Variants in SLC14A2 observed in about 807,000 individuals in gnomAD.
The protein encoded by SLC14A2 is solute carrier family 14 member 2, also known as urea transporter 2.
A neutral mutation model predicts 104.6 loss-of-function variants in SLC14A2; 91 were observed. The ratio of observed to expected loss-of-function variants is 0.87; its 90% CI spans 0.73 to 1.04. The LOEUF is 1.04. Among genes scored for constraint, SLC14A2 ranks in the 50% least tolerant of loss-of-function variants. The probability of loss-of-function intolerance (pLI) is 0.00; values close to 1 mark genes in which losing one functional copy is unlikely to be tolerated. For missense variants in SLC14A2, 1,189 were observed against 1,156.0 expected (o/e 1.03, Z -0.41); for synonymous variants, 476 against 466.4 (o/e 1.02, Z -0.27).
chr18:45,662,460 A>C (rs2045950987), intron 10 of SLC14A2, among the ~76,000 whole-genome samples: 1 of 152,200 alleles, frequency 6.6e-6, no homozygotes, highest in Non-Finnish European at 1.5e-5. Context: ...TATGCACACG[A>C]ATCAGCTGGA....
chr18:45,533,421 T>C (rs1326388049), intron 2 of SLC14A2, among the ~76,000 whole-genome samples: 1 of 152,212 alleles, frequency 6.6e-6, no homozygotes, highest in African/African-American at 2.4e-5. Flanking sequence ...CCTGGTTTAG[T>C]CTTGGGAGAG....
At chr18:45,352,252 A>G (rs1344396825) in intron 1 of SLC14A2, among the ~76,000 whole-genome samples, 1 of 152,078 alleles carries the variant, frequency 6.6e-6, no homozygotes, top group Non-Finnish European at 1.5e-5. Context: ...GACCATGGAG[A>G]AGGGGCTTCT....
At chr18:45,308,216 A>G (rs2085043469) in intron 1 of SLC14A2, among the ~76,000 whole-genome samples, 1 of 152,148 alleles carries the variant, frequency 6.6e-6, no homozygotes, top group African/African-American at 2.4e-5. Context: ...CACCCAAACC[A>G]TGTAAGTTGC....
chr18:45,555,412 A>G (rs2044118563), intron 2 of SLC14A2, among the ~76,000 whole-genome samples: 1 of 152,248 alleles, frequency 6.6e-6, no homozygotes, highest in South Asian at 2.1e-4. Flanking sequence ...GGATACATCT[A>G]GATAAACCCA....
chr18:45,334,944 CTTGGT>C (rs2085324739), intron 1 of SLC14A2, among the ~76,000 whole-genome samples: 1 of 152,218 alleles, frequency 6.6e-6, no homozygotes, highest in African/African-American at 2.4e-5. Flanking sequence ...CACCTCCTGA[CTTGGT>C]ACTGAAGTGC....
intron 1 of SLC14A2, among the ~76,000 whole-genome samples, chr18:45,478,443 C>T (rs905871965): frequency 4.6e-5 from 7 of 152,204 alleles, no homozygotes; most frequent in African/African-American, 1.7e-4. Context: ...ATCTTGCCAG[C>T]CACTGTCTAT....
At chr18:45,341,498 T>C (rs2085393421) in intron 1 of SLC14A2, among the ~76,000 whole-genome samples, 1 of 152,196 alleles carries the variant, frequency 6.6e-6, no homozygotes, top group Non-Finnish European at 1.5e-5. Flanking sequence ...CACATTCTAT[T>C]TGGTGCCACA....
At chr18:45,528,734 A>G (rs2043636624) in intron 2 of SLC14A2, 1 of 152,118 alleles carries the variant, frequency 6.6e-6, no homozygotes, top group African/African-American at 2.4e-5. Context: ...TATTCAGTTA[A>G]TTGAAAAAAA....
chr18:45,681,044 GTTTTTTTTTTTTTTTTTTTTTT>G (rs1166136830), intron 19 of SLC14A2, among the ~76,000 whole-genome samples: 1 of 5,374 alleles, frequency 1.9e-4, no homozygotes, highest in African/African-American at 2.1e-4. Flanking sequence ...AGTATCTGAG[GTTTTTTTTTTTTTTTTTTTTTT>G]TTTTTTTTTT....
intron 1 of SLC14A2, among the ~76,000 whole-genome samples, chr18:45,352,373 A>G (rs537262618): frequency 6.6e-6 from 1 of 152,310 alleles, no homozygotes; most frequent in Non-Finnish European, 1.5e-5. Flanking sequence ...GGTAGAGACG[A>G]ATTGTTCATG....
intron 1 of SLC14A2, among the ~76,000 whole-genome samples, chr18:45,240,553 T>A (rs1422853623): frequency 6.6e-6 from 1 of 152,116 alleles, no homozygotes; most frequent in African/African-American, 2.4e-5. Context: ...ATACTGCTAT[T>A]ATACCCATTT....
chr18:45,198,339 C>A, the SLC14A2 span, among the ~76,000 whole-genome samples: 3 of 152,102 alleles, frequency 2.0e-5, no homozygotes, highest in African/African-American at 7.2e-5. Context: ...GGACCCCTCA[C>A]CCAATACTCA....
chr18:45,183,880 C>T, the SLC14A2 span, among the ~76,000 whole-genome samples: 29 of 149,276 alleles, frequency 1.9e-4, no homozygotes, highest in African/African-American at 6.9e-4. Flanking sequence ...CTGTAGGCAG[C>T]ACCACCTCAC....
rs957806607 is a variant in SLC14A2 at position 45,625,686 on chromosome 18, C to T, written c.154C>T (p.Leu52Phe). 1 of 1,545,032 alleles carries T rather than the reference C, an allele frequency of 6.5e-7. No homozygotes were observed. Among genetic ancestry groups the T allele is most frequent in the Non-Finnish European group, 8.7e-7 (1 of 1,151,678 alleles). ...TCTGGTTGGTTTCTCCTAAAAGGAT[C>T]TCCGGTCTTCCAATGAAGACAGTCA... is the stretch of plus-strand genomic sequence containing the variant. ...PLLEMPEEKD[L>F]RSSNEDSHIV... is the part of the protein sequence containing the mutation. The change falls in exon 3 of 20, where the codon CTC becomes TTC. Residue 52 changes from leucine to phenylalanine, a missense_variant. Physicochemically the swap from Leu to Phe is conservative, Grantham distance 22 (BLOSUM62 0). Transcript: ENST00000255226.
At chr18:45,205,931 AGAG>A in the SLC14A2 span, among the ~76,000 whole-genome samples, 1 of 152,224 alleles carries the variant, frequency 6.6e-6, no homozygotes, top group Non-Finnish European at 1.5e-5. Context: ...CCCAAAGAAA[AGAG>A]GAGAGTAATG....
chr18:45,236,281 A>ATG (rs1304575001), intron 1 of SLC14A2, among the ~76,000 whole-genome samples: 1 of 57,618 alleles, frequency 1.7e-5, no homozygotes, highest in African/African-American at 9.8e-5. Flanking sequence ...ATGTGTGTAT[A>ATG]TGTGTATATA....
At chr18:45,536,626 G>A (rs903837894) in intron 2 of SLC14A2, among the ~76,000 whole-genome samples, 8 of 152,064 alleles carry the variant, frequency 5.3e-5, no homozygotes, top group African/African-American at 9.7e-5. Flanking sequence ...AGATAATGAC[G>A]TCCACAACAA....
At chr18:45,400,334 A>G (rs1163396753) in intron 1 of SLC14A2, among the ~76,000 whole-genome samples, 1 of 152,218 alleles carries the variant, frequency 6.6e-6, no homozygotes, top group African/African-American at 2.4e-5. Flanking sequence ...GTCATTTTGT[A>G]GAATATCCCT....
At chr18:45,539,602 G>A (rs1330585688) in intron 2 of SLC14A2, among the ~76,000 whole-genome samples, 4 of 152,296 alleles carry the variant, frequency 2.6e-5, no homozygotes, top group African/African-American at 7.2e-5. Flanking sequence ...CAGCCCCATC[G>A]ATCCCAGACC....
Sources: gnomAD v4.1 joint callset for allele counts (sites outside exome capture counted in the v4.1 genomes callset) on GRCh38, gnomAD v4.1.1 for gene constraint, MANE v1.5 for transcripts, NCBI Gene and HGNC (gene_info 2026-07-23, HGNC 2026-07-21) for gene names.